DZIP3: variants seen among roughly 807,000 people sequenced by gnomAD.
DZIP3 encodes the protein E3 ubiquitin-protein ligase DZIP3.
Under a neutral mutation model 162.0 loss-of-function variants are expected in DZIP3, and 118 were observed. That is an observed-to-expected ratio of 0.73 (90% CI 0.63 to 0.85). DZIP3 has a LOEUF of 0.85. Among genes scored for constraint, DZIP3 ranks in the 40% least tolerant of loss-of-function variants. DZIP3 has a pLI of 0.00. For synonymous variants in DZIP3, 438 were observed against 458.6 expected, an observed-to-expected ratio of 0.96 and a Z score of 0.57; for missense variants, 1,331 against 1,407.0, an observed-to-expected ratio of 0.95 and a Z score of 0.86.
chr3:108,637,620 T>C lies in DZIP3; in HGVS notation c.1064+72T>C, dbSNP rs556873743. 42 of 1,301,560 alleles carry C rather than the reference T, an allele frequency of 3.2e-5. No homozygotes were observed. In the African/African-American group the frequency reaches 5.8e-4, roughly 18 times the overall value. 80.6% of individuals were successfully genotyped at this position (1,301,560 alleles called of 1,614,324 possible). On this transcript the variant is annotated intron_variant, in intron 12 of 32. Transcript: ENST00000361582. ...ATATTTTTTGGTTGCTTAATTCTTCTGTGTTTCTGTCACCTAATAGAGCTG... is the reference window on the plus strand; with the variant it reads ...ATATTTTTTGGTTGCTTAATTCTTCCGTGTTTCTGTCACCTAATAGAGCTG...
At chr3:108,622,836 G>GTCTCTCTC (rs368466391) in intron 5 of DZIP3, among the ~76,000 whole-genome samples, 4 of 62,838 alleles carry the variant, frequency 6.4e-5, no homozygotes, top group Admixed American at 4.0e-4. Flanking sequence ...AACAAACAGA[G>GTCTCTCTC]TCTCTCTCTC....
At chr3:108,635,320 G>T in intron 10 of DZIP3, 1 of 258,758 alleles carries the variant, frequency 3.9e-6, no homozygotes, top group Admixed American at 4.5e-5. Context: ...TAGGATCATA[G>T]AATAGAATTT....
chr3:108,623,574 C>A lies in DZIP3; in HGVS notation c.376-870C>A, dbSNP rs528979166. On this transcript the variant is annotated intron_variant, in intron 5 of 32. Transcript: ENST00000361582. ...CTGCTCAAGCAGAGGGAAGGTGTCTCTCCCAGACGTGTGAGTTGTTTTCCC... is the reference window on the plus strand; with the variant it reads ...CTGCTCAAGCAGAGGGAAGGTGTCTATCCCAGACGTGTGAGTTGTTTTCCC... 9.2e-5 allele frequency among the ~76,000 whole-genome samples: 14 copies of A among 152,316 alleles called. No individual in the cohort carries two copies. The South Asian group carries it at 2.9e-3, about 32-fold the overall frequency.
At chr3:108,613,633 T>G (rs1260719434) in intron 4 of DZIP3, among the ~76,000 whole-genome samples, 1 of 152,190 alleles carries the variant, frequency 6.6e-6, no homozygotes, top group Admixed American at 6.5e-5. Flanking sequence ...ACAGCAGACT[T>G]GCTCTAATTG....
intron 19 of DZIP3, among the ~76,000 whole-genome samples, chr3:108,661,159 C>T (rs550560571): frequency 6.6e-6 from 1 of 152,282 alleles, no homozygotes; most frequent in South Asian, 2.1e-4. Flanking sequence ...GATTATAAAT[C>T]ATGCTGCTAT....
At chr3:108,592,821 T>C (rs1939504168) in intron 1 of DZIP3, among the ~76,000 whole-genome samples, 1 of 152,202 alleles carries the variant, frequency 6.6e-6, no homozygotes, top group Non-Finnish European at 1.5e-5. Flanking sequence ...TTACGTTTAT[T>C]CTAATAGAGA....
intron 26 of DZIP3, among the ~76,000 whole-genome samples, chr3:108,683,744 C>T (rs1044792791): frequency 2.6e-5 from 4 of 152,160 alleles, no homozygotes; most frequent in African/African-American, 9.7e-5. Flanking sequence ...TCAAGTATTA[C>T]CTCCAATATA....
At chr3:108,653,525 A>ATATATATATATG (rs1662440389) in intron 18 of DZIP3, among the ~76,000 whole-genome samples, 1 of 145,058 alleles carries the variant, frequency 6.9e-6, no homozygotes, top group Admixed American at 6.9e-5. Flanking sequence ...ATATATATAT[A>ATATATATATATG]TATATATATA....
chr3:108,597,220 G>T (rs1457255507), intron 1 of DZIP3, among the ~76,000 whole-genome samples: 1 of 152,152 alleles, frequency 6.6e-6, no homozygotes, highest in Non-Finnish European at 1.5e-5. Flanking sequence ...GCCCAACCAT[G>T]AAGTTAACTT....
intron 22 of DZIP3, 96 bp from the exon 23 acceptor site, chr3:108,672,464 T>C: frequency 1.0e-6 from 1 of 1,003,240 alleles, no homozygotes; most frequent in Admixed American, 2.0e-5. Context: ...AATAATTTCC[T>C]ACTGATTGTA....
intron 1 of DZIP3, among the ~76,000 whole-genome samples, chr3:108,594,289 C>T (rs980849726): frequency 1.3e-5 from 2 of 151,680 alleles, no homozygotes; most frequent in African/African-American, 2.4e-5. Flanking sequence ...TAATTTCATC[C>T]GTATACATTC....
intron 8 of DZIP3, 46 bp from the exon 9 acceptor site, chr3:108,632,907 T>G: frequency 8.7e-7 from 1 of 1,149,672 alleles, no homozygotes; most frequent in Non-Finnish European, 1.2e-6. Context: ...TGGTGTTAAT[T>G]TATTATTAGT....
intron 27 of DZIP3, among the ~76,000 whole-genome samples, chr3:108,685,404 T>C (rs1033598883): frequency 6.6e-6 from 1 of 152,166 alleles, no homozygotes; most frequent in Non-Finnish European, 1.5e-5. Context: ...GTACAAATTA[T>C]TACAGTGACT....
At chr3:108,622,864 C>G (rs1275933198) in intron 5 of DZIP3, among the ~76,000 whole-genome samples, 27 of 118,934 alleles carry the variant, frequency 2.3e-4, no homozygotes, top group African/African-American at 8.9e-4. Context: ...CTCTCTCTCT[C>G]TCTCTCTCTC....
At position 108,644,763 on chromosome 3, in the gene DZIP3, T is replaced by G. The variant is rs950754035; in HGVS notation, c.1741T>G (p.Leu581Val). 1.3e-5 allele frequency: 21 copies of G among 1,601,798 alleles called. No homozygotes were observed. Among genetic ancestry groups the G allele is most frequent in the Non-Finnish European group, 1.7e-5 (20 of 1,176,104 alleles). The change falls in exon 14 of 33, where the codon TTA becomes GTA. Residue 581 changes from leucine to valine, a missense_variant. Physicochemically the swap from Leu to Val is conservative, Grantham distance 32. Transcript: ENST00000361582. ...IPVPEIIQRM[L>V]SCYQQGIALQ... is the part of the protein sequence containing the mutation. ...AGTACCAGAAATCATACAGAGGATG[T>G]TATCCTGCTATCAACAAGGTACTAA... is the stretch of plus-strand genomic sequence containing the variant.
Position 108,633,011 on chromosome 3 carries a change from G to C in DZIP3, c.755G>C (p.Cys252Ser), listed in dbSNP as rs755848845. The C allele has an allele frequency of 1.3e-6, 2 of 1,508,290 alleles. No individual in the cohort carries two copies. The highest frequency in any genetic ancestry group is 2.8e-5 in the South Asian group (2 of 70,850). The allele number at this position is 1,508,290 out of a possible 1,614,324, so 93.4% of individuals were successfully genotyped here. A position where few individuals can be genotyped will look rare whatever the true frequency, so the allele number is the denominator to read the frequency against. The stretch of plus-strand genomic sequence containing the variant: ...AGCAATATAATGAAGCAGACGATTT[G>C]TAGTTACCTAGATTGTGAACGATCT... ...TESNIMKQTICSYLDCERSCE... is the reference protein window; with the variant it reads ...TESNIMKQTISSYLDCERSCE... The change falls in exon 9 of 33, where the codon TGT (cysteine) becomes TCT (serine). Residue 252 changes from cysteine (C) to serine (S), a missense_variant. By Grantham distance (112) the Cys-to-Ser change is moderately radical. Coordinates refer to ENST00000361582, the MANE Select transcript of DZIP3 (RefSeq NM_014648.4).
intron 26 of DZIP3, among the ~76,000 whole-genome samples, chr3:108,679,868 T>C (rs1210758576): frequency 6.6e-6 from 1 of 152,104 alleles, no homozygotes; most frequent in East Asian, 1.9e-4. Context: ...AAAGTGTGGA[T>C]TGTTCCCAGT....
Position 108,611,199 on chromosome 3 carries a change from C to T in DZIP3, c.128C>T (p.Thr43Ile), listed in dbSNP as rs545057898. The change falls in exon 4 of 33, where the codon ACT becomes ATT. Residue 43 changes from threonine (T) to isoleucine (I), a missense_variant. Thr to Ile is a moderately conservative substitution (Grantham distance 89). This residue lies in a region of DZIP3 where 1,278 missense variants were observed against 1,317.1 expected (regional missense o/e 0.97). Transcript: ENST00000361582. ...AACAAACAGGAAAATGACATACCTA[C>T]TGATCTTGTCCCTGTTAACCTACTA... ...QLNKQENDIPTDLVPVNLLLE... is the reference protein window; with the variant it reads ...QLNKQENDIPIDLVPVNLLLE... 32 of 1,600,408 alleles carry T rather than the reference C, an allele frequency of 2.0e-5. No individual in the cohort carries two copies. Among genetic ancestry groups the T allele is most frequent in the Non-Finnish European group, 2.5e-5 (30 of 1,176,798 alleles).
intron 12 of DZIP3, among the ~76,000 whole-genome samples, chr3:108,640,341 A>G (rs3100642): frequency 0.15 from 22,383 of 146,550 alleles, 2,119 homozygotes; most frequent in Non-Finnish European, 0.22. Context: ...TCTACTGTCT[A>G]ATTGTATATC....
Sources: gnomAD v4.1 joint callset for allele counts (sites outside exome capture counted in the v4.1 genomes callset) on GRCh38, gnomAD v4.1.1 for gene constraint, gnomAD v4.1.1 regional missense constraint, MANE v1.5 for transcripts, NCBI Gene and HGNC (gene_info 2026-07-23, HGNC 2026-07-21) for gene names.